The following DMRT1 variants were observed in gnomAD, a reference collection of about 807,000 sequenced individuals.
DMRT1 encodes the protein doublesex and mab-3 related transcription factor 1, also known as doublesex- and mab-3-related transcription factor 1.
Under a neutral mutation model 32.3 loss-of-function variants are expected in DMRT1, and 7 were observed. The ratio of observed to expected loss-of-function variants is 0.22; its 90% confidence interval spans 0.12 to 0.41. The LOEUF is 0.41. Among genes scored for constraint, DMRT1 ranks in the 10% least tolerant of loss-of-function variants. The probability of loss-of-function intolerance (pLI) is 1.00; values close to 1 mark genes in which losing one functional copy is unlikely to be tolerated. For missense variants in DMRT1, 625 were observed against 500.5 expected, an observed-to-expected ratio of 1.25 and a Z score of -2.37; for synonymous variants, 278 against 206.1, an observed-to-expected ratio of 1.35 and a Z score of -2.99.
At chr9:902,093 C>A (rs10117191) in intron 3 of DMRT1, among the ~76,000 whole-genome samples, 3,951 of 145,702 alleles carry the variant, frequency 0.027, 151 homozygotes, top group African/African-American at 0.092. Context: ...TATTTTTAGT[C>A]GAGATGGGGT....
chr9:852,081 A>C (rs1323672215), intron 2 of DMRT1, among the ~76,000 whole-genome samples: 3 of 151,760 alleles, frequency 2.0e-5, no homozygotes, highest in African/African-American at 7.3e-5. Flanking sequence ...CTGGGATTAC[A>C]GGCGATCACC....
In DMRT1 at chr9:873,137, G is replaced by C. The variant is rs1209174184; in HGVS notation, c.539-20775G>C. Among the ~76,000 whole-genome samples, 3 of 152,152 alleles carry C rather than the reference G, an allele frequency of 2.0e-5. No homozygotes were observed. In the South Asian group the frequency reaches 6.2e-4, roughly 32 times the overall value. Reference sequence around the variant, plus strand: ...GTGAGCACGAAGTGGTATTATTTGTGGTTCTGATTTGCAGTTTGCTGATGG... The same window carrying C: ...GTGAGCACGAAGTGGTATTATTTGTCGTTCTGATTTGCAGTTTGCTGATGG... On this transcript the variant is annotated intron_variant, in intron 2 of 4. Coordinates refer to ENST00000382276, the MANE Select transcript of DMRT1 (RefSeq NM_021951.3).
chr9:853,329 A>G (rs1815242642), intron 2 of DMRT1, among the ~76,000 whole-genome samples: 1 of 152,176 alleles, frequency 6.6e-6, no homozygotes. Context: ...CAAATGTGTA[A>G]TAGCTTGTGT....
At chr9:949,389 C>G (rs753251136) in intron 4 of DMRT1, among the ~76,000 whole-genome samples, 3 of 151,814 alleles carry the variant, frequency 2.0e-5, no homozygotes, top group Non-Finnish European at 2.9e-5. Flanking sequence ...CCCAAAAAAC[C>G]CACAAAAAAC....
At chr9:901,262 C>G (rs1239942213) in intron 3 of DMRT1, among the ~76,000 whole-genome samples, 2 of 152,170 alleles carry the variant, frequency 1.3e-5, no homozygotes, top group Admixed American at 6.5e-5. Flanking sequence ...AGTGATCTGC[C>G]TGCCCTGGCC....
chr9:950,703 C>G (rs931012267), intron 4 of DMRT1, among the ~76,000 whole-genome samples: 2 of 152,140 alleles, frequency 1.3e-5, no homozygotes, highest in Non-Finnish European at 2.9e-5. Flanking sequence ...GGTAGATGAG[C>G]CTTCCTAAGA....
chr9:911,468 G>T (rs1446316164), intron 3 of DMRT1, among the ~76,000 whole-genome samples: 3 of 78,020 alleles, frequency 3.8e-5, no homozygotes, highest in Non-Finnish European at 8.4e-5. Flanking sequence ...TGGGTTAATT[G>T]CATTTTTTTT....
Position 968,085 on chromosome 9 carries a change from T to G in DMRT1, c.1068T>G (p.Pro356=). ...KSTKAVLECE[P]ASEPSSFTVT... ...CAAAGGCAGTGCTTGAATGTGAGCC[T>G]GCGTCGGAGCCCAGCAGCTTCACAG... is the stretch of plus-strand genomic sequence containing the variant. The change falls in exon 5 of 5, where the codon CCT becomes CCG. Residue 356 remains proline, a synonymous_variant. Transcript: ENST00000382276. 3.1e-6 allele frequency: 5 copies of G among 1,614,178 alleles called. No homozygotes were observed. The highest frequency in any genetic ancestry group is 4.2e-6 in the Non-Finnish European group (5 of 1,180,044).
chr9:946,861 T>G (rs1321097906), intron 4 of DMRT1, among the ~76,000 whole-genome samples: 1 of 152,086 alleles, frequency 6.6e-6, no homozygotes, highest in East Asian at 1.9e-4. Flanking sequence ...GTCTGCAAGT[T>G]TACACTGGCA....
chr9:847,109 A>T lies in DMRT1; in HGVS notation c.504A>T (p.Pro168=). ...LMTECSGTSQ[P]PPASVPTTAA... Reference sequence around the variant, plus strand: ...CTGAGTGCAGTGGCACCTCTCAGCCACCGCCGGCCAGTGTCCCCACCACTG... The same window carrying T: ...CTGAGTGCAGTGGCACCTCTCAGCCTCCGCCGGCCAGTGTCCCCACCACTG... The change falls in exon 2 of 5, where the codon CCA becomes CCT. Residue 168 remains proline (P), a synonymous_variant. Coordinates refer to ENST00000382276, the MANE Select transcript of DMRT1 (RefSeq NM_021951.3). 1.2e-6 allele frequency: 2 copies of T among 1,613,310 alleles called. No individual in the cohort carries two copies.
intron 2 of DMRT1, among the ~76,000 whole-genome samples, chr9:848,506 G>A (rs1046088967): frequency 1.3e-5 from 2 of 150,388 alleles, no homozygotes; most frequent in Non-Finnish European, 3.0e-5. Flanking sequence ...TGGATTGGCT[G>A]CTCATAGTAT....
intron 3 of DMRT1, among the ~76,000 whole-genome samples, chr9:909,469 A>G (rs572643684): frequency 6.6e-6 from 1 of 152,194 alleles, no homozygotes; most frequent in East Asian, 1.9e-4. Context: ...GAGCTTGGGA[A>G]CAGGCATCCC....
intron 2 of DMRT1, among the ~76,000 whole-genome samples, chr9:876,914 C>G (rs1221956778): frequency 6.6e-6 from 1 of 152,086 alleles, no homozygotes; most frequent in Non-Finnish European, 1.5e-5. Context: ...AGTGTGAGGT[C>G]TCAGAAGAGG....
intron 3 of DMRT1, among the ~76,000 whole-genome samples, chr9:906,477 A>G (rs1271571674): frequency 6.6e-6 from 1 of 152,204 alleles, no homozygotes; most frequent in Non-Finnish European, 1.5e-5. Flanking sequence ...TACTGCTGAT[A>G]GGGCTATATC....
chr9:875,374 A>T (rs1034612395), intron 2 of DMRT1, among the ~76,000 whole-genome samples: 1 of 152,220 alleles, frequency 6.6e-6, no homozygotes, highest in East Asian at 1.9e-4. Flanking sequence ...CGACAGCTTT[A>T]GAGTCTTTGT....
At chr9:962,046 T>C (rs1422106068) in intron 4 of DMRT1, among the ~76,000 whole-genome samples, 1 of 152,162 alleles carries the variant, frequency 6.6e-6, no homozygotes, top group East Asian at 1.9e-4. Context: ...CTGCAGGATG[T>C]TGTTACTAAA....
At chr9:949,791 A>G (rs1022540966) in intron 4 of DMRT1, among the ~76,000 whole-genome samples, 1 of 152,132 alleles carries the variant, frequency 6.6e-6, no homozygotes, top group Non-Finnish European at 1.5e-5. Context: ...TAGATTTCTC[A>G]TGTAAGTGGA....
chr9:895,961 A>C (rs58706697), intron 3 of DMRT1, among the ~76,000 whole-genome samples: 6,261 of 149,632 alleles, frequency 0.042, 187 homozygotes, highest in African/African-American at 0.089. Context: ...CGCGCCACCA[A>C]GCCCAGCTAA....
At chr9:930,584 A>AT (rs1430474212) in intron 4 of DMRT1, among the ~76,000 whole-genome samples, 1 of 151,872 alleles carries the variant, frequency 6.6e-6, no homozygotes, top group East Asian at 1.9e-4. Flanking sequence ...AATCCTTTGT[A>AT]TTTTTAGTAG....
Sources: allele counts gnomAD v4.1 joint callset (sites outside exome capture counted in the v4.1 genomes callset), GRCh38; gene constraint gnomAD v4.1.1; transcripts MANE v1.5; gene names NCBI Gene and HGNC (gene_info 2026-07-23, HGNC 2026-07-21).